ELMO2: variants seen among roughly 807,000 people sequenced by gnomAD.
ELMO2 encodes the protein engulfment and cell motility protein 2.
A neutral mutation model predicts 96.2 loss-of-function variants in ELMO2; 37 were observed. The observed-to-expected ratio is 0.38, with a 90% CI of 0.30 to 0.51. The LOEUF (loss-of-function observed/expected upper bound fraction) is 0.51. Ranked by LOEUF, ELMO2 falls within the 20% of genes least tolerant of loss-of-function variation. The pLI is 0.88. For missense variants in ELMO2, 561 were observed against 912.6 expected (o/e 0.61, Z 4.96); for synonymous variants, 315 against 329.4 (o/e 0.96, Z 0.47).
chr20:46,374,698 T>C, intron 13 of ELMO2, 58 bp from the exon 14 acceptor site: 2 of 1,484,822 alleles, frequency 1.3e-6, no homozygotes, highest in South Asian at 1.2e-5. Flanking sequence ...TGCAGGGACC[T>C]GAGGGGATGC....
At chr20:46,383,288 C>T (rs1236848047) in intron 10 of ELMO2, 128 bp downstream of exon 10, 13 of 1,002,634 alleles carry the variant, frequency 1.3e-5, no homozygotes, top group Non-Finnish European at 1.9e-5. Flanking sequence ...GGCTCCAGAC[C>T]AGACAGCTAA....
chr20:46,403,792 T>C (rs1360595057), intron 1 of ELMO2, among the ~76,000 whole-genome samples: 2 of 152,188 alleles, frequency 1.3e-5, no homozygotes, highest in Admixed American at 6.5e-5. Context: ...ATTGCTGAAC[T>C]GGGGCTGTAG....
chr20:46,376,312 T>C (rs2771283), intron 11 of ELMO2, among the ~76,000 whole-genome samples: 151,476 of 152,238 alleles, frequency 0.99, 75,362 homozygotes, highest in Middle Eastern at 1. Flanking sequence ...TTCACTCTCC[T>C]ACCAGCTCCC....
chr20:46,398,980 T>C (rs955724670), intron 1 of ELMO2, among the ~76,000 whole-genome samples: 2 of 152,206 alleles, frequency 1.3e-5, no homozygotes, highest in African/African-American at 4.8e-5. Flanking sequence ...CATATATTAA[T>C]TCATTTAATC....
At chr20:46,379,911 T>C (rs2059925882) in intron 11 of ELMO2, 1 of 197,522 alleles carries the variant, frequency 5.1e-6, no homozygotes, top group African/African-American at 2.3e-5. Context: ...CAATTCAGAT[T>C]TTTAATCAGT....
intron 10 of ELMO2, among the ~76,000 whole-genome samples, chr20:46,381,380 C>T (rs2059951979): frequency 6.6e-6 from 1 of 152,206 alleles, no homozygotes; most frequent in Admixed American, 6.5e-5. Flanking sequence ...GGAGCTGTCA[C>T]ACCTCTCCTA....
At chr20:46,385,299 C>T (rs549475516) in intron 9 of ELMO2, among the ~76,000 whole-genome samples, 52 of 152,276 alleles carry the variant, frequency 3.4e-4, no homozygotes, top group Middle Eastern at 6.8e-3. Context: ...ACAGCGGAGA[C>T]GGGAGAAACA....
At chr20:46,373,148 C>T (rs559280325) in intron 16 of ELMO2, 8 of 481,072 alleles carry the variant, frequency 1.7e-5, no homozygotes, top group South Asian at 8.3e-5. Flanking sequence ...CTCTGGAGGA[C>T]GGGAGGGACA....
intron 11 of ELMO2, among the ~76,000 whole-genome samples, chr20:46,379,373 T>A (rs1331664850): frequency 1.3e-5 from 2 of 152,044 alleles, no homozygotes; most frequent in East Asian, 3.9e-4. Context: ...TCAGCCCTAC[T>A]CCACCCCACA....
intron 10 of ELMO2, among the ~76,000 whole-genome samples, 166 bp from the exon 11 acceptor site, chr20:46,380,469 T>A (rs1489220616): frequency 6.6e-6 from 1 of 152,228 alleles, no homozygotes; most frequent in Non-Finnish European, 1.5e-5. Context: ...GACCATCAGA[T>A]GTATTTTACA....
intron 3 of ELMO2, 83 bp downstream of exon 3, chr20:46,394,322 G>A (rs1708852479): frequency 8.9e-6 from 13 of 1,461,384 alleles, no homozygotes; most frequent in Non-Finnish European, 1.1e-5. Context: ...GATGCCGGTG[G>A]TCCCCATCCC....
intron 2 of ELMO2, among the ~76,000 whole-genome samples, chr20:46,396,440 T>C (rs1384655304): frequency 6.6e-6 from 1 of 152,306 alleles, no homozygotes; most frequent in East Asian, 1.9e-4. Context: ...ATCATATAAA[T>C]ATACACATGC....
intron 11 of ELMO2, chr20:46,376,703 C>T (rs946731864): frequency 1.6e-6 from 2 of 1,289,430 alleles, no homozygotes; most frequent in Admixed American, 4.6e-5. Context: ...GTCTCACCCA[C>T]CATTATGAAT....
intron 16 of ELMO2, 139 bp downstream of exon 16, chr20:46,373,260 G>C: frequency 9.4e-6 from 11 of 1,174,452 alleles, no homozygotes; most frequent in Admixed American, 2.5e-5. Context: ...AGGCTCCCCA[G>C]TGCCTCAGTC....
chr20:46,374,722 C>T (rs2059820446), intron 13 of ELMO2, 82 bp from the exon 14 acceptor site: 6 of 1,196,790 alleles, frequency 5.0e-6, no homozygotes, highest in Non-Finnish European at 7.3e-6. Flanking sequence ...CTCGCCTCTC[C>T]TCTTGATGCT....
rs758503208 is a variant in ELMO2 at position 46,389,197 on chromosome 20, C to T, written c.267G>A (p.Met89Ile). The T allele has an allele frequency of 1.2e-5, 19 of 1,614,048 alleles. No homozygotes were observed. In the South Asian group the frequency reaches 1.4e-4, roughly 12 times the overall value. The part of the protein sequence containing the change: ...ISPSRAARQL[M>I]ERTQSSNMET... ...CCATGTTGGATGACTGGGTCCTCTC[C>T]ATCAGCTGGCGTGCAGCCCGGGACT... The change falls in exon 7 of 22, where the codon ATG becomes ATA. Residue 89 changes from methionine (M) to isoleucine (I), a missense_variant. Coordinates refer to ENST00000290246, the MANE Select transcript of ELMO2 (RefSeq NM_133171.5).
At chr20:46,381,805 G>A (rs1253334946) in intron 10 of ELMO2, among the ~76,000 whole-genome samples, 3 of 152,090 alleles carry the variant, frequency 2.0e-5, no homozygotes, top group Non-Finnish European at 4.4e-5. Flanking sequence ...AAACCTTTTC[G>A]GATTCCCACG....
chr20:46,368,743 A>G (rs1321788912), intron 21 of ELMO2, 148 bp downstream of exon 21: 1 of 782,888 alleles, frequency 1.3e-6, no homozygotes, highest in Admixed American at 2.3e-5. Context: ...TCCTATTGAA[A>G]TGCCACCTTC....
chr20:46,393,019 A>G, intron 6 of ELMO2, 74 bp downstream of exon 6: 1 of 1,301,028 alleles, frequency 7.7e-7, no homozygotes. Flanking sequence ...TTTCTAGAAC[A>G]GAGTCTGGCC....
Sources: gnomAD v4.1 joint callset for allele counts (sites outside exome capture counted in the v4.1 genomes callset) on GRCh38, gnomAD v4.1.1 for gene constraint, MANE v1.5 for transcripts, NCBI Gene and HGNC (gene_info 2026-07-23, HGNC 2026-07-21) for gene names.